DPP10: variants seen among roughly 807,000 people sequenced by gnomAD.
DPP10 encodes inactive dipeptidyl peptidase 10.
A neutral mutation model predicts 120.9 loss-of-function variants in DPP10; 33 were observed. That is an observed-to-expected ratio of 0.27 (90% CI 0.21 to 0.37). The LOEUF (loss-of-function observed/expected upper bound fraction) is 0.37. Ranked by LOEUF, DPP10 falls within the 10% of genes least tolerant of loss-of-function variation. The pLI is 1.00. For synonymous variants in DPP10, 337 were observed against 326.1 expected, an observed-to-expected ratio of 1.03 and a Z score of -0.36; for missense variants, 816 against 942.8, an observed-to-expected ratio of 0.87 and a Z score of 1.76.
intron 1 of DPP10, among the ~76,000 whole-genome samples, chr2:115,307,968 G>T (rs1049451899): frequency 2.6e-5 from 4 of 152,092 alleles, no homozygotes; most frequent in Non-Finnish European, 5.9e-5. Context: ...AAGTGGAATT[G>T]ATCTCTCCTG....
At chr2:114,455,158 G>T (rs3220582) in intron 1 of DPP10, among the ~76,000 whole-genome samples, 7 of 136,746 alleles carry the variant, frequency 5.1e-5, no homozygotes, top group African/African-American at 2.0e-4. Context: ...TCTTTCTATT[G>T]TGTGTGTGTG....
chr2:115,455,418 C>T (rs2073445760), intron 3 of DPP10, among the ~76,000 whole-genome samples: 1 of 152,082 alleles, frequency 6.6e-6, no homozygotes, highest in South Asian at 2.1e-4. Context: ...TTCAATCCTA[C>T]CCCAATCAAA....
intron 3 of DPP10, among the ~76,000 whole-genome samples, chr2:115,393,219 A>G (rs1210499980): frequency 6.6e-6 from 1 of 151,994 alleles, no homozygotes; most frequent in Non-Finnish European, 1.5e-5. Context: ...AGGCTGAGGC[A>G]TGAGAATCGC....
intron 7 of DPP10, among the ~76,000 whole-genome samples, chr2:115,698,361 A>C (rs1054502806): frequency 3.9e-5 from 6 of 152,226 alleles, no homozygotes; most frequent in Non-Finnish European, 8.8e-5. Flanking sequence ...CAGCAAAAAC[A>C]GTGTAAGCGG....
chr2:114,597,958 G>A (rs192438640), intron 1 of DPP10, among the ~76,000 whole-genome samples: 2 of 151,994 alleles, frequency 1.3e-5, no homozygotes, highest in East Asian at 3.9e-4. Context: ...GTTTGTAGAA[G>A]GAAAATGGTA....
chr2:114,692,147 C>T lies in DPP10; in HGVS notation c.60+249309C>T, dbSNP rs550319901. Among the ~76,000 whole-genome samples the T allele has an allele frequency of 2.6e-5, 4 of 152,010 alleles. No individual in the cohort carries two copies. In the South Asian group the frequency reaches 6.2e-4, roughly 24 times the overall value. Reference sequence around the variant, plus strand: ...CAGCTGTGGGGTTTGTTTGCTCTTGCTTCTCTAGTTCTTTTAGTCGAGATG... The same window carrying T: ...CAGCTGTGGGGTTTGTTTGCTCTTGTTTCTCTAGTTCTTTTAGTCGAGATG... On this transcript the variant is annotated intron_variant, in intron 1 of 25. Transcript: ENST00000410059.
intron 1 of DPP10, among the ~76,000 whole-genome samples, chr2:114,528,653 A>G (rs1391181304): frequency 6.6e-6 from 1 of 151,002 alleles, no homozygotes; most frequent in African/African-American, 2.4e-5. Context: ...AATGTTATTC[A>G]ACATTCATAC....
intron 1 of DPP10, among the ~76,000 whole-genome samples, chr2:115,088,074 G>T (rs375382409): frequency 6.6e-5 from 10 of 152,262 alleles, no homozygotes; most frequent in East Asian, 3.9e-4. Context: ...TATAGATGGT[G>T]CTTTTTAGCT....
intron 3 of DPP10, among the ~76,000 whole-genome samples, chr2:115,497,481 A>G (rs1439785763): frequency 1.3e-5 from 2 of 151,906 alleles, no homozygotes; most frequent in Non-Finnish European, 2.9e-5. Context: ...CTACTTGTCG[A>G]GTGTTTTGTT....
intron 1 of DPP10, among the ~76,000 whole-genome samples, chr2:114,654,433 G>A (rs1319625563): frequency 2.0e-5 from 3 of 152,146 alleles, no homozygotes. Context: ...AAATTTTATA[G>A]GGTGGGGAAA....
intron 5 of DPP10, among the ~76,000 whole-genome samples, chr2:115,663,584 T>C (rs1456060012): frequency 6.6e-6 from 1 of 152,188 alleles, no homozygotes; most frequent in Non-Finnish European, 1.5e-5. Flanking sequence ...TACAGCCCTG[T>C]GCAAGAATAT....
intron 1 of DPP10, among the ~76,000 whole-genome samples, chr2:114,486,134 A>G (rs1474144494): frequency 6.6e-6 from 1 of 152,126 alleles, no homozygotes; most frequent in Non-Finnish European, 1.5e-5. Flanking sequence ...AATTCTGGAA[A>G]TTCAACGCTG....
chr2:114,804,700 T>C (rs981723124), intron 1 of DPP10, among the ~76,000 whole-genome samples: 1 of 152,200 alleles, frequency 6.6e-6, no homozygotes, highest in African/African-American at 2.4e-5. Flanking sequence ...ATTTACCCAA[T>C]ACACATACCC....
intron 1 of DPP10, among the ~76,000 whole-genome samples, chr2:114,671,614 A>G (rs897730217): frequency 6.6e-6 from 1 of 152,142 alleles, no homozygotes; most frequent in Non-Finnish European, 1.5e-5. Flanking sequence ...GGTGCCAAGC[A>G]TCCACTGGGG....
chr2:114,567,214 A>G (rs1395719233), intron 1 of DPP10, among the ~76,000 whole-genome samples: 1 of 152,148 alleles, frequency 6.6e-6, no homozygotes, highest in Admixed American at 6.5e-5. Context: ...TGGCTTATCT[A>G]TCTTGGTAGA....
At chr2:114,498,616 T>TG (rs1468710105) in intron 1 of DPP10, among the ~76,000 whole-genome samples, 1 of 152,124 alleles carries the variant, frequency 6.6e-6, no homozygotes, top group Non-Finnish European at 1.5e-5. Flanking sequence ...TGTCCTTTGG[T>TG]GGAAAGCAAC....
intron 1 of DPP10, among the ~76,000 whole-genome samples, chr2:114,666,773 T>A (rs1322562963): frequency 6.6e-6 from 1 of 152,194 alleles, no homozygotes; most frequent in Non-Finnish European, 1.5e-5. Context: ...AATACTGTTA[T>A]AGCTGTTAGA....
rs539700735 is a variant in DPP10 at position 115,335,353 on chromosome 2, A to G, written c.176-8464A>G. 2.6e-5 allele frequency among the ~76,000 whole-genome samples: 4 copies of G among 152,130 alleles called. No individual in the cohort carries two copies. The South Asian group carries it at 8.3e-4, about 31-fold the overall frequency. On this transcript the variant is annotated intron_variant, in intron 2 of 25. Coordinates refer to ENST00000410059, the MANE Select transcript of DPP10 (RefSeq NM_020868.6). ...ATTTAAATTTATTTTTTTAATGTAC[A>G]TTAAAAACTGTAAATTTCTTAAGGA...
At chr2:115,026,582 C>T (rs1406828148) in intron 1 of DPP10, among the ~76,000 whole-genome samples, 1 of 152,140 alleles carries the variant, frequency 6.6e-6, no homozygotes, top group African/African-American at 2.4e-5. Flanking sequence ...GTCACTCAGG[C>T]TGGAGTGCAG....
Sources: allele counts gnomAD v4.1 joint callset (sites outside exome capture counted in the v4.1 genomes callset), GRCh38; gene constraint gnomAD v4.1.1; transcripts MANE v1.5; gene names NCBI Gene and HGNC (gene_info 2026-07-23, HGNC 2026-07-21).